Variants in SYNJ1 observed in about 807,000 individuals in gnomAD.
SYNJ1 encodes synaptojanin 1.
Under a neutral mutation model 168.2 loss-of-function variants are expected in SYNJ1, and 78 were observed. The observed-to-expected ratio is 0.46, with a 90% CI of 0.39 to 0.56. SYNJ1 has a LOEUF of 0.56. Among genes scored for constraint, SYNJ1 ranks in the 20% least tolerant of loss-of-function variants. The probability of loss-of-function intolerance (pLI) is 0.00; values close to 1 mark genes in which losing one functional copy is unlikely to be tolerated. For synonymous variants in SYNJ1, 539 were observed against 548.6 expected (o/e 0.98, Z 0.24); for missense variants, 1,303 against 1,597.6 (o/e 0.82, Z 3.14).
intron 24 of SYNJ1, 40 bp from the exon 25 acceptor site, chr21:32,645,829 T>C (rs1350208781): frequency 1.5e-5 from 23 of 1,514,906 alleles, no homozygotes; most frequent in East Asian, 2.5e-5. Flanking sequence ...AGCTTCTAAG[T>C]AGCTGTTGAC....
Position 32,630,938 on chromosome 21 carries a change from A to G in SYNJ1, c.*867T>C. 6.6e-7 allele frequency: 1 copy of G among 1,506,844 alleles called. No individual in the cohort carries two copies. The highest frequency in any genetic ancestry group is 2.3e-5 in the East Asian group (1 of 44,098). The allele number at this position is 1,506,844 out of a possible 1,614,324, so 93.3% of individuals were successfully genotyped here. On this transcript the variant is annotated 3_prime_UTR_variant, in exon 33 of 33. Transcript: ENST00000674351. ...GCACATAATGAAATACTAATGCCCAATTCTCTTAGCTCTATCCTGCCAAAA... is the reference window on the plus strand; with the variant it reads ...GCACATAATGAAATACTAATGCCCAGTTCTCTTAGCTCTATCCTGCCAAAA...
In SYNJ1 at chr21:32,690,198, T is replaced by C. The variant is rs528680057; in HGVS notation, c.790-1831A>G. 2.6e-5 allele frequency among the ~76,000 whole-genome samples: 4 copies of C among 152,280 alleles called. No homozygotes were observed. In the East Asian group the frequency reaches 7.7e-4, roughly 29 times the overall value. On this transcript the variant is annotated intron_variant, in intron 6 of 32. Coordinates refer to ENST00000674351, the MANE Select transcript of SYNJ1 (RefSeq NM_203446.3). ...TCTCATAGCAATATACTGGCTAGAC[T>C]AGATTAGATTTCTGTTTTTGTGTTA...
chr21:32,638,868 T>C, intron 31 of SYNJ1, 40 bp downstream of exon 31: 2 of 1,530,644 alleles, frequency 1.3e-6, no homozygotes, highest in Non-Finnish European at 1.8e-6. Flanking sequence ...CTAAATCATA[T>C]GCATCAAAGA....
intron 6 of SYNJ1, 146 bp from the exon 7 acceptor site, chr21:32,688,513 A>C (rs2041911842): frequency 1.5e-6 from 1 of 667,714 alleles, no homozygotes; most frequent in African/African-American, 1.9e-5. Flanking sequence ...ATGCTTTTAA[A>C]AAAACAAGTT....
At position 32,664,198 on chromosome 21, in the gene SYNJ1, G is replaced by A. The variant is rs536030891; in HGVS notation, c.2304+715C>T. Among the ~76,000 whole-genome samples the A allele has an allele frequency of 3.3e-5, 5 of 152,292 alleles. No homozygotes were observed. The East Asian group carries it at 5.8e-4, about 18-fold the overall frequency. On this transcript the variant is annotated intron_variant, in intron 18 of 32. Coordinates refer to ENST00000674351, the MANE Select transcript of SYNJ1 (RefSeq NM_203446.3). ...CCTTAGCTCACCAAAATGCTTCAGC[G>A]CAAGTGTACCATATGAATCACTATC...
In SYNJ1 at chr21:32,714,931, C is replaced by T. The variant is rs368170857; in HGVS notation, c.124+11841G>A. ...AACCCATTATCTGAGTTTCAAAAAG[C>T]TGGATCTCAATTGTGTCATCCAACA... On this transcript the variant is annotated intron_variant, in intron 2 of 32. Coordinates refer to ENST00000674351, the MANE Select transcript of SYNJ1 (RefSeq NM_203446.3). Among the ~76,000 whole-genome samples, 5 of 152,318 alleles carry T rather than the reference C, an allele frequency of 3.3e-5. No individual in the cohort carries two copies. In the East Asian group the frequency reaches 9.6e-4, roughly 29 times the overall value.
chr21:32,667,059 T>A (rs531390306), intron 15 of SYNJ1, among the ~76,000 whole-genome samples: 5 of 151,860 alleles, frequency 3.3e-5, no homozygotes, highest in Non-Finnish European at 5.9e-5. Context: ...TTAGTTGTTA[T>A]ATTGTAATGT....
chr21:32,709,027 A>G (rs1045718539), intron 2 of SYNJ1, among the ~76,000 whole-genome samples: 1 of 152,226 alleles, frequency 6.6e-6, no homozygotes, highest in African/African-American at 2.4e-5. Flanking sequence ...AAAGACAATA[A>G]GAAGATTTTA....
chr21:32,646,341 C>A, intron 24 of SYNJ1, 52 bp downstream of exon 24: 1 of 1,559,324 alleles, frequency 6.4e-7, no homozygotes, highest in South Asian at 1.1e-5. Context: ...TCTCCAACAT[C>A]AAGCACATTG....
intron 18 of SYNJ1, 69 bp downstream of exon 18, chr21:32,664,844 C>A (rs1304656042): frequency 5.8e-6 from 8 of 1,383,714 alleles, no homozygotes; most frequent in South Asian, 1.6e-5. Context: ...TTTAAAACAT[C>A]TTGATTTAAA....
intron 1 of SYNJ1, 41 bp from the exon 2 acceptor site, chr21:32,726,958 T>C: frequency 6.2e-7 from 1 of 1,605,702 alleles, no homozygotes; most frequent in Non-Finnish European, 8.5e-7. Flanking sequence ...AAGCTGATGT[T>C]TCCTTCTGCA....
intron 32 of SYNJ1, among the ~76,000 whole-genome samples, chr21:32,632,559 G>C (rs1274187418): frequency 6.6e-6 from 1 of 151,962 alleles, no homozygotes; most frequent in South Asian, 2.1e-4. Context: ...CTAATTTTTT[G>C]TATTTTAGTA....
chr21:32,666,998 C>T (rs564169121), intron 15 of SYNJ1, among the ~76,000 whole-genome samples: 15 of 151,718 alleles, frequency 9.9e-5, no homozygotes, highest in South Asian at 2.1e-4. Flanking sequence ...GTAAATCTCT[C>T]GTATACTTTA....
chr21:32,670,501 T>G, intron 14 of SYNJ1, 129 bp from the exon 15 acceptor site: 1 of 711,958 alleles, frequency 1.4e-6, no homozygotes, highest in Non-Finnish European at 2.2e-6. Context: ...AAATTCATAT[T>G]AAAGGCAAAC....
intron 29 of SYNJ1, among the ~76,000 whole-genome samples, chr21:32,640,156 C>T (rs1274507238): frequency 1.3e-5 from 2 of 152,140 alleles, no homozygotes; most frequent in Non-Finnish European, 2.9e-5. Context: ...GTCTGACTGG[C>T]TGCAGGGCTA....
At chr21:32,657,223 G>C in intron 19 of SYNJ1, 103 bp from the exon 20 acceptor site, 1 of 773,046 alleles carries the variant, frequency 1.3e-6, no homozygotes, top group Non-Finnish European at 2.1e-6. Flanking sequence ...TCAGTGGTTT[G>C]AGGCTGGAAT....
intron 27 of SYNJ1, among the ~76,000 whole-genome samples, chr21:32,642,343 T>C (rs1274215380): frequency 1.3e-5 from 2 of 152,198 alleles, no homozygotes; most frequent in East Asian, 1.9e-4. Context: ...AATATTTAGA[T>C]AGACCTTTAT....
At chr21:32,698,242 C>G (rs994954866) in intron 4 of SYNJ1, among the ~76,000 whole-genome samples, 1 of 152,196 alleles carries the variant, frequency 6.6e-6, no homozygotes, top group Non-Finnish European at 1.5e-5. Context: ...CCACTCTTCT[C>G]CCTGATGCCA....
At chr21:32,726,627 T>A (rs1169750532) in intron 2 of SYNJ1, 145 bp downstream of exon 2, 5 of 1,087,554 alleles carry the variant, frequency 4.6e-6, no homozygotes, top group Non-Finnish European at 6.2e-6. Flanking sequence ...GAAAATAAGT[T>A]TGATTAAAAG....
Sources: allele counts gnomAD v4.1 joint callset (sites outside exome capture counted in the v4.1 genomes callset), GRCh38; gene constraint gnomAD v4.1.1; transcripts MANE v1.5; gene names NCBI Gene and HGNC (gene_info 2026-07-23, HGNC 2026-07-21).